The following GTF3C1 variants were observed in gnomAD, a reference collection of about 807,000 sequenced individuals.
GTF3C1 encodes the protein general transcription factor IIIC subunit 1, also known as general transcription factor 3C polypeptide 1.
In GTF3C1, 57 loss-of-function variants were observed where a neutral mutation model predicts 226.7. That is an observed-to-expected ratio of 0.25 (90% CI 0.20 to 0.31). The LOEUF is 0.31. GTF3C1 is among the 10% of genes least tolerant of loss of function. The pLI is 1.00. For missense variants in GTF3C1, 2,217 were observed against 2,776.1 expected (o/e 0.80, Z 4.53); for synonymous variants, 1,090 against 1,084.8 (o/e 1.00, Z -0.09).
Position 27,470,386 on chromosome 16 carries a change from C to A in GTF3C1, c.4536G>T (p.Thr1512=). ...TGCAGATGGTGCTTGGAAATCGCCA[C>A]GTAAAAATCCTACAGACAAAAAGAA... ...QLSQTYYRIF[T]WRFPSTICTE... The change falls in exon 31 of 37, where the codon ACG becomes ACT. Residue 1512 remains threonine (T), a synonymous_variant. Coordinates refer to ENST00000356183, the MANE Select transcript of GTF3C1 (RefSeq NM_001520.4). This position sits in a 1 kb window ranked among gnomAD's most constrained non-coding sequence, Gnocchi z 4.9. The A allele has an allele frequency of 1.9e-6, 3 of 1,612,482 alleles. No homozygotes were observed. Among genetic ancestry groups the A allele is most frequent in the Middle Eastern group, 1.7e-4 (1 of 5,992 alleles).
At chr16:27,522,623 T>C (rs2088766489) in intron 6 of GTF3C1, among the ~76,000 whole-genome samples, 1 of 152,234 alleles carries the variant, frequency 6.6e-6, no homozygotes, top group Admixed American at 6.5e-5. Context: ...CATCAGCCTG[T>C]TAATTTCTGT....
chr16:27,462,592 G>C lies in GTF3C1; in HGVS notation c.5925-106C>G, dbSNP rs1283391569. The C allele has an allele frequency of 1.3e-6, 1 of 771,614 alleles. No homozygotes were observed. The highest frequency in any genetic ancestry group is 1.7e-5 in the African/African-American group (1 of 58,564). 47.8% of individuals were successfully genotyped at this position (771,614 alleles called of 1,614,324 possible). A position where few individuals can be genotyped will look rare whatever the true frequency, so the allele number is the denominator to read the frequency against. ...CGTCCTAGGCCTGGCCCAGGTCACA[G>C]GGCTGAGACCAGCCACCTCTTGCTC... is the stretch of plus-strand genomic sequence containing the variant. On this transcript the variant is annotated intron_variant, in intron 35 of 36. Transcript: ENST00000356183. The surrounding 1 kb of genome is among the most constrained non-coding windows in gnomAD (Gnocchi z 4.5).
rs982827931 is a variant in GTF3C1 at position 27,511,882 on chromosome 16, C to T, written c.993G>A (p.Arg331=). The T allele has an allele frequency of 1.9e-6, 3 of 1,613,972 alleles. No individual in the cohort carries two copies. In the Admixed American group the frequency reaches 5.0e-5, roughly 27 times the overall value. The change falls in exon 7 of 37, where the codon CGG becomes CGA. Residue 331 remains arginine (R), a synonymous_variant. Coordinates refer to ENST00000356183, the MANE Select transcript of GTF3C1 (RefSeq NM_001520.4). ...TAAATTCCTTCAGCAGCTTGAGGCA[C>T]CGAACCATGACGTCGGTCCCTGGCA... ...KTKKGTDVMV[R]CLKLLKEFKR...
intron 19 of GTF3C1, among the ~76,000 whole-genome samples, chr16:27,490,562 C>T (rs761949682): frequency 1.3e-4 from 20 of 152,186 alleles, no homozygotes; most frequent in Non-Finnish European, 2.2e-4. Context: ...TAGAAATAAA[C>T]TGAGATTCAG....
intron 4 of GTF3C1, among the ~76,000 whole-genome samples, chr16:27,534,475 G>T (rs2088970012): frequency 6.6e-6 from 1 of 152,190 alleles, no homozygotes; most frequent in South Asian, 2.1e-4. Context: ...ATGAATGAAA[G>T]AATAAATGGA....
At chr16:27,494,402 TAAAAAAAAAACA>T (rs1490683697) in intron 16 of GTF3C1, among the ~76,000 whole-genome samples, 2 of 94,310 alleles carry the variant, frequency 2.1e-5, no homozygotes, top group African/African-American at 4.1e-5. Context: ...CTCTGTCTCA[TAAAAAAAAAACA>T]AAAAAAAAAA....
intron 6 of GTF3C1, among the ~76,000 whole-genome samples, chr16:27,522,155 A>G (rs1327470706): frequency 6.6e-6 from 1 of 152,236 alleles, no homozygotes; most frequent in African/African-American, 2.4e-5. Context: ...TCATCAATTT[A>G]TCTGTACAAG....
chr16:27,487,658 T>C (rs1357251301), intron 23 of GTF3C1, among the ~76,000 whole-genome samples: 2 of 152,174 alleles, frequency 1.3e-5, no homozygotes, highest in African/African-American at 2.4e-5. Context: ...CCGGGTGTGG[T>C]GGCGCACGCC....
At chr16:27,530,231 A>G (rs2088895982) in intron 5 of GTF3C1, among the ~76,000 whole-genome samples, 1 of 152,232 alleles carries the variant, frequency 6.6e-6, no homozygotes, top group Non-Finnish European at 1.5e-5. Context: ...ACATATGGCT[A>G]TCAAAACAAT....
intron 2 of GTF3C1, among the ~76,000 whole-genome samples, chr16:27,539,412 G>A (rs1040922128): frequency 6.6e-6 from 1 of 152,212 alleles, no homozygotes; most frequent in Non-Finnish European, 1.5e-5. Flanking sequence ...ACACCTAACA[G>A]TCTTTACTGT....
At chr16:27,544,877 G>A (rs996609020) in intron 2 of GTF3C1, among the ~76,000 whole-genome samples, 13 of 152,172 alleles carry the variant, frequency 8.5e-5, no homozygotes, top group African/African-American at 3.1e-4. Context: ...CGTAGTGCAG[G>A]GCTAGTGAAC....
At chr16:27,545,259 G>A (rs1711844171) in intron 2 of GTF3C1, 55 bp downstream of exon 2, 4 of 1,276,218 alleles carry the variant, frequency 3.1e-6, no homozygotes, top group Admixed American at 1.7e-5. Flanking sequence ...TTACAGGCGT[G>A]AGCCACCGTA....
chr16:27,514,103 AGAGGCCAG>A (rs2088618038), intron 6 of GTF3C1, among the ~76,000 whole-genome samples: 1 of 152,232 alleles, frequency 6.6e-6, no homozygotes, highest in Non-Finnish European at 1.5e-5. Flanking sequence ...GCCTAGGGCA[AGAGGCCAG>A]CAGAAGTGGT....
In GTF3C1 at chr16:27,462,257, G is replaced by A. The variant is rs375592226; in HGVS notation, c.6117+37C>T. The A allele has an allele frequency of 5.6e-4, 821 of 1,478,662 alleles. 4 individuals are homozygous for A. The Middle Eastern group carries it at 6.4e-3, about 12-fold the overall frequency. The allele number at this position is 1,478,662 out of a possible 1,614,324, so 91.6% of individuals were successfully genotyped here. A position where few individuals can be genotyped will look rare whatever the true frequency, so the allele number is the denominator to read the frequency against. ...GCCGGGCCACTGAGTGCACCCAGCC[G>A]CCTCCACACCCTGCTGAACCCAGGA... is the stretch of plus-strand genomic sequence containing the variant. On this transcript the variant is annotated intron_variant, in intron 36 of 36. Coordinates refer to ENST00000356183, the MANE Select transcript of GTF3C1 (RefSeq NM_001520.4). The surrounding 1 kb of genome is among the most constrained non-coding windows in gnomAD (Gnocchi z 4.5).
chr16:27,506,903 C>T lies in GTF3C1; in HGVS notation c.1496G>A (p.Arg499Lys). The T allele has an allele frequency of 6.2e-7, 1 of 1,613,766 alleles. No individual in the cohort carries two copies. Among genetic ancestry groups the T allele is most frequent in the Non-Finnish European group, 8.5e-7 (1 of 1,179,956 alleles). ...RRGRGSQKDT[R>K]ASANLRPKTQ... ...CTTGGGCCGGAGGTTTGCAGAGGCT[C>T]TTGTGTCTTTCTGGGACCCTCTGCC... is the stretch of plus-strand genomic sequence containing the variant. Residue 499 changes from arginine (R) to lysine (K), a missense_variant, in exon 9 of 37, where the codon AGA becomes AAA. By Grantham distance (26) the Arg-to-Lys change is conservative (BLOSUM62 2). Around this residue, in one of 12 missense-constraint regions of GTF3C1, gnomAD observed 173 missense variants for 207.2 expected, o/e 0.83. Coordinates refer to ENST00000356183, the MANE Select transcript of GTF3C1 (RefSeq NM_001520.4).
chr16:27,511,029 C>T (rs565823129), intron 7 of GTF3C1, among the ~76,000 whole-genome samples: 3 of 152,318 alleles, frequency 2.0e-5, no homozygotes, highest in South Asian at 4.1e-4. Context: ...ACTTTCACCA[C>T]GTGATGGTTA....
At chr16:27,533,169 C>T in intron 5 of GTF3C1, 122 bp downstream of exon 5, 1 of 556,984 alleles carries the variant, frequency 1.8e-6, no homozygotes, top group Non-Finnish European at 3.3e-6. Flanking sequence ...AAAGGAAAAT[C>T]TCATTTGCAT....
At chr16:27,527,158 T>C (rs2088845137) in intron 6 of GTF3C1, among the ~76,000 whole-genome samples, 1 of 152,192 alleles carries the variant, frequency 6.6e-6, no homozygotes, top group African/African-American at 2.4e-5. Context: ...TGGTGAGCCA[T>C]GGTTGTGCCA....
At position 27,492,608 on chromosome 16, in the gene GTF3C1, G is replaced by A. The variant is rs1301499705; in HGVS notation, c.2973+9C>T. 6.4e-6 allele frequency: 10 copies of A among 1,565,888 alleles called. No homozygotes were observed. In the Admixed American group the frequency reaches 1.7e-4, roughly 26 times the overall value. ...AGAATTTCCTTCGTTTGGGCTTGAGGGACATTACCTGATCTTTATCCTGAA... is the reference window on the plus strand; with the variant it reads ...AGAATTTCCTTCGTTTGGGCTTGAGAGACATTACCTGATCTTTATCCTGAA... On this transcript the variant is annotated intron_variant, in intron 18 of 36. Transcript: ENST00000356183. This position sits in a 1 kb window ranked among gnomAD's most constrained non-coding sequence, Gnocchi z 5.0.
Sources: allele counts gnomAD v4.1 joint callset (sites outside exome capture counted in the v4.1 genomes callset), GRCh38; gene constraint gnomAD v4.1.1; regional missense constraint gnomAD v4.1.1; non-coding constraint Gnocchi (gnomAD v3.1); transcripts MANE v1.5; gene names NCBI Gene and HGNC (gene_info 2026-07-23, HGNC 2026-07-21).